Variants in GLIS1 observed in about 807,000 individuals in gnomAD.
GLIS1 encodes the protein zinc finger protein GLIS1.
Under a neutral mutation model 63.8 loss-of-function variants are expected in GLIS1, and 24 were observed. That is an observed-to-expected ratio of 0.38 (90% CI 0.27 to 0.53). The LOEUF is 0.53. Ranked by LOEUF, GLIS1 falls within the 20% of genes least tolerant of loss-of-function variation. The pLI is 0.85. For missense variants in GLIS1, 1,036 were observed against 1,074.1 expected (o/e 0.96, Z 0.50); for synonymous variants, 450 against 482.5 (o/e 0.93, Z 0.88).
At position 53,652,624 on chromosome 1, in the gene GLIS1, C is replaced by G. The variant is rs569079512; in HGVS notation, c.260-52346G>C. Among the ~76,000 whole-genome samples, 16 of 152,292 alleles carry G rather than the reference C, an allele frequency of 1.1e-4. No homozygotes were observed. In the South Asian group the frequency reaches 3.1e-3, roughly 30 times the overall value. ...CCTCAGTGCCCAGCCAGGCTGGGAG[C>G]AGACCACAACTCAGTGAAGGTTAGT... On this transcript the variant is annotated intron_variant, in intron 2 of 10. Coordinates refer to ENST00000628545, the MANE Select transcript of GLIS1 (RefSeq NM_001367484.1).
intron 2 of GLIS1, among the ~76,000 whole-genome samples, chr1:53,638,654 A>G (rs540493557): frequency 1.3e-5 from 2 of 152,284 alleles, no homozygotes; most frequent in African/African-American, 4.8e-5. Flanking sequence ...TCCAGTGTCC[A>G]TGTCCCAACT....
chr1:53,589,620 G>T (rs990318130), intron 4 of GLIS1, among the ~76,000 whole-genome samples: 1 of 152,218 alleles, frequency 6.6e-6, no homozygotes, highest in African/African-American at 2.4e-5. Context: ...AGATTCAGAG[G>T]CACCTGGGAC....
intron 2 of GLIS1, among the ~76,000 whole-genome samples, chr1:53,686,090 T>C (rs997034736): frequency 6.6e-6 from 1 of 152,188 alleles, no homozygotes; most frequent in Non-Finnish European, 1.5e-5. Flanking sequence ...GCTGCCCACC[T>C]ATGGCCATTG....
intron 2 of GLIS1, among the ~76,000 whole-genome samples, chr1:53,704,858 T>C (rs772680109): frequency 6.6e-6 from 1 of 152,208 alleles, no homozygotes; most frequent in Non-Finnish European, 1.5e-5. Context: ...ACATGAGGCA[T>C]GATGGTTGTT....
intron 2 of GLIS1, among the ~76,000 whole-genome samples, chr1:53,716,747 AG>A (rs1274724911): frequency 1.3e-5 from 2 of 152,228 alleles, no homozygotes; most frequent in Non-Finnish European, 2.9e-5. Context: ...AGAAATGTAG[AG>A]GATCAATACA....
In GLIS1 at chr1:53,646,815, AG is replaced by A. The variant is rs1278505838; in HGVS notation, c.260-46538del. On this transcript the variant is annotated intron_variant, in intron 2 of 10. Transcript: ENST00000628545. The surrounding 1 kb of genome is among the most constrained non-coding windows in gnomAD (Gnocchi z 4.2). The stretch of plus-strand genomic sequence containing the variant: ...ACAGAGCAAGACTCTGTCTCAAAAA[AG>A]AAAGAAGAAAGGAAAGAGAGAGAGA... Among the ~76,000 whole-genome samples, 6 of 151,770 alleles carry A rather than the reference AG, an allele frequency of 4.0e-5. No individual in the cohort carries two copies. Among genetic ancestry groups the A allele is most frequent in the Admixed American group, 2.6e-4 (4 of 15,234 alleles).
intron 2 of GLIS1, among the ~76,000 whole-genome samples, chr1:53,676,333 C>A (rs1646212172): frequency 6.6e-6 from 1 of 152,180 alleles, no homozygotes; most frequent in Non-Finnish European, 1.5e-5. Context: ...CAGGCCTGGA[C>A]TGAGAAGCAT....
intron 2 of GLIS1, among the ~76,000 whole-genome samples, chr1:53,665,645 T>C (rs60604851): frequency 0.011 from 1,678 of 152,238 alleles, 27 homozygotes; most frequent in African/African-American, 0.039. Flanking sequence ...CTAGACCCTG[T>C]CTCTTTAAAT....
intron 2 of GLIS1, among the ~76,000 whole-genome samples, chr1:53,645,282 T>G (rs1305654927): frequency 2.6e-5 from 4 of 152,160 alleles, no homozygotes; most frequent in Non-Finnish European, 2.9e-5. Context: ...GAAATAGCCC[T>G]CTCCAACACT....
intron 2 of GLIS1, among the ~76,000 whole-genome samples, chr1:53,715,835 G>T (rs968746532): frequency 6.6e-6 from 1 of 152,180 alleles, no homozygotes; most frequent in Admixed American, 6.5e-5. Context: ...GACTGAGGAG[G>T]ACAGAGAATG....
chr1:53,622,876 G>A (rs1018645911), intron 2 of GLIS1, among the ~76,000 whole-genome samples: 7 of 152,182 alleles, frequency 4.6e-5, no homozygotes, highest in African/African-American at 1.2e-4. Flanking sequence ...GTAATTTGTC[G>A]CAGTAGCCTC....
intron 2 of GLIS1, among the ~76,000 whole-genome samples, chr1:53,666,204 C>T (rs943818269): frequency 2.0e-5 from 3 of 152,198 alleles, no homozygotes; most frequent in African/African-American, 7.2e-5. Flanking sequence ...CACCTGTTAA[C>T]TGAGCACCTG....
chr1:53,594,432 A>G lies in GLIS1; in HGVS notation c.996T>C (p.Phe332=). 1.2e-6 allele frequency: 2 copies of G among 1,612,858 alleles called. No homozygotes were observed. The highest frequency in any genetic ancestry group is 4.5e-5 in the East Asian group (2 of 44,866). The change falls in exon 4 of 11, where the codon TTT becomes TTC. Residue 332 remains phenylalanine, a synonymous_variant. Transcript: ENST00000628545. ...QEPADEFSEL[F]GPHQQGLPPP... The stretch of plus-strand genomic sequence containing the variant: ...GCGGCAGGCCCTGCTGGTGAGGCCC[A>G]AAGAGCTCTGAAAACTCATCCGCGG...
intron 2 of GLIS1, among the ~76,000 whole-genome samples, chr1:53,704,685 C>G (rs745328062): frequency 6.6e-6 from 1 of 152,248 alleles, no homozygotes; most frequent in East Asian, 1.9e-4. Context: ...CAAGGGAAGC[C>G]GGAGGACAGC....
chr1:53,514,906 T>C (rs1644335322), intron 7 of GLIS1, 125 bp from the exon 8 acceptor site: 2 of 1,136,466 alleles, frequency 1.8e-6, no homozygotes, highest in African/African-American at 3.2e-5. Context: ...AACAACGTTG[T>C]ATCACTGGAA....
At chr1:53,564,385 C>A (rs1031181642) in intron 4 of GLIS1, among the ~76,000 whole-genome samples, 8 of 151,664 alleles carry the variant, frequency 5.3e-5, no homozygotes, top group African/African-American at 1.9e-4. Context: ...ATAACGGCAA[C>A]AACAACAAAA....
chr1:53,607,842 G>T (rs939592041), intron 2 of GLIS1, among the ~76,000 whole-genome samples: 1 of 152,124 alleles, frequency 6.6e-6, no homozygotes, highest in Non-Finnish European at 1.5e-5. Flanking sequence ...AGTGAATTTG[G>T]TTTCTGGTAA....
In GLIS1 at chr1:53,737,966, G is replaced by A; in HGVS notation, c.99C>T (p.His33=). 7 of 1,230,278 alleles carry A rather than the reference G, an allele frequency of 5.7e-6. No homozygotes were observed. The highest frequency in any genetic ancestry group is 7.1e-6 in the Non-Finnish European group (7 of 986,994). The allele number at this position is 1,230,278 out of a possible 1,614,324, so 76.2% of individuals were successfully genotyped here. The change falls in exon 2 of 11, where the codon CAC becomes CAT. Residue 33 remains histidine (H), a synonymous_variant. Coordinates refer to ENST00000628545, the MANE Select transcript of GLIS1 (RefSeq NM_001367484.1). ...PDRGPASLGA[H]MAFRVTVSGG... The stretch of plus-strand genomic sequence containing the variant: ...CACTCACGGTGACCCTGAAGGCCAT[G>A]TGCGCGCCGAGGCTGGCGGGGCCGC...
At chr1:53,600,339 A>G (rs12727337) in intron 2 of GLIS1, 61 bp from the exon 3 acceptor site, 1,077,462 of 1,144,530 alleles carry the variant, frequency 0.94, 519,147 homozygotes, top group Non-Finnish European at 0.99. Flanking sequence ...GCAGAGGGGT[A>G]TGGGGAGAGG....
Sources: gnomAD v4.1 joint callset for allele counts (sites outside exome capture counted in the v4.1 genomes callset) on GRCh38, gnomAD v4.1.1 for gene constraint, Gnocchi (gnomAD v3.1) non-coding constraint, MANE v1.5 for transcripts, NCBI Gene and HGNC (gene_info 2026-07-23, HGNC 2026-07-21) for gene names.